DHRS4: variants seen among roughly 807,000 people sequenced by gnomAD.
The protein encoded by DHRS4 is dehydrogenase/reductase SDR family member 4.
Under a neutral mutation model 28.4 loss-of-function variants are expected in DHRS4, and 20 were observed. The observed-to-expected ratio is 0.71, with a 90% CI of 0.50 to 1.02. The LOEUF is 1.02. Ranked by LOEUF, DHRS4 falls within the 50% of genes least tolerant of loss-of-function variation. DHRS4 has a pLI of 0.00. For missense variants in DHRS4, 378 were observed against 367.2 expected, an observed-to-expected ratio of 1.03 and a Z score of -0.24; for synonymous variants, 144 against 146.4, an observed-to-expected ratio of 0.98 and a Z score of 0.12.
Position 23,953,931 on chromosome 14 carries a change from C to A in DHRS4, c.128+15C>A. 6.4e-7 allele frequency: 1 copy of A among 1,569,744 alleles called. No homozygotes were observed. Among genetic ancestry groups the A allele is most frequent in the Non-Finnish European group, 8.6e-7 (1 of 1,158,254 alleles). On this transcript the variant is annotated intron_variant, in intron 1 of 7. Coordinates refer to ENST00000313250, the MANE Select transcript of DHRS4 (RefSeq NM_021004.4). ...TCCACCGACGGGTGAGTGCTCCGGC[C>A]GGAGTTTCTGAGGCCCTGGCTGCCT...
At chr14:23,957,512 T>C (rs559709978) in intron 2 of DHRS4, among the ~76,000 whole-genome samples, 23 of 151,988 alleles carry the variant, frequency 1.5e-4, no homozygotes, top group African/African-American at 5.5e-4. Flanking sequence ...CTAACCGCTT[T>C]GGTGTAGTGA....
Position 23,955,229 on chromosome 14 carries a change from TG to T in DHRS4, c.306+20del. 6.2e-7 allele frequency: 1 copy of T among 1,608,816 alleles called. No homozygotes were observed. Among genetic ancestry groups the T allele is most frequent in the Non-Finnish European group, 8.5e-7 (1 of 1,177,576 alleles). ...GTGGCCACGGTGAGCTGCAGGGAAA[TG>T]GGCACAGAGCCAGGAGGTGGAAAAC... On this transcript the variant is annotated intron_variant, in intron 2 of 7. Transcript: ENST00000313250.
At chr14:23,955,715 C>T (rs2033108762) in intron 2 of DHRS4, among the ~76,000 whole-genome samples, 1 of 152,192 alleles carries the variant, frequency 6.6e-6, no homozygotes, top group African/African-American at 2.4e-5. Context: ...GCTCAGATAG[C>T]TGGAGCAACT....
At chr14:23,960,159 G>T (rs745817736) in intron 3 of DHRS4, among the ~76,000 whole-genome samples, 156 bp downstream of exon 3, 1 of 151,908 alleles carries the variant, frequency 6.6e-6, no homozygotes, top group Non-Finnish European at 1.5e-5. Context: ...TGCAAAGGGC[G>T]GGTGGGGGTG....
intron 5 of DHRS4, 52 bp from the exon 6 acceptor site, chr14:23,966,231 A>C (rs1167410992): frequency 6.3e-7 from 1 of 1,584,956 alleles, no homozygotes; most frequent in East Asian, 2.2e-5. Flanking sequence ...AGTTATTAGA[A>C]CCAAGAATGA....
intron 2 of DHRS4, among the ~76,000 whole-genome samples, chr14:23,958,982 C>T (rs140167952): frequency 0.032 from 4,892 of 152,244 alleles, 273 homozygotes; most frequent in African/African-American, 0.11. Flanking sequence ...CTCAAAGGCC[C>T]CTCCAGGGTA....
intron 3 of DHRS4, among the ~76,000 whole-genome samples, chr14:23,962,482 C>G (rs2033452478): frequency 6.6e-6 from 1 of 151,552 alleles, no homozygotes; most frequent in African/African-American, 2.4e-5. Context: ...GAAATAGATT[C>G]CATCCCAAGA....
rs1356325957 is a variant in DHRS4, at chr14:23,958,858, C to A, written c.307-1044C>A. ...TCACCCCTCCCAAACACAGAATAAG[C>A]AGGCCTCCTGTTCTTACCTAGCCCC... On this transcript the variant is annotated intron_variant, in intron 2 of 7. Transcript: ENST00000313250. 2.6e-5 allele frequency among the ~76,000 whole-genome samples: 4 copies of A among 152,158 alleles called. No homozygotes were observed. The East Asian group carries it at 7.7e-4, about 29-fold the overall frequency.
chr14:23,964,071 C>T (rs888614160), intron 3 of DHRS4, among the ~76,000 whole-genome samples: 12 of 150,900 alleles, frequency 8.0e-5, no homozygotes, highest in African/African-American at 2.2e-4. Context: ...AAAGATCACT[C>T]ATCACAGATC....
Position 23,968,811 on chromosome 14 carries a change from T to A in DHRS4, c.777T>A (p.Asp259Glu), listed in dbSNP as rs145338436. Residue 259 changes from aspartate (D) to glutamate (E), a missense_variant, in exon 8 of 8, where the codon GAT (aspartate) becomes GAA (glutamate). Coordinates refer to ENST00000313250, the MANE Select transcript of DHRS4 (RefSeq NM_021004.4). The part of the protein sequence containing the change: ...AGIVSFLCSE[D>E]ASYITGETVV... ...TCGTGTCTTTCCTGTGCTCTGAAGATGCCAGCTACATCACTGGGGAAACAG... is the reference window on the plus strand; with the variant it reads ...TCGTGTCTTTCCTGTGCTCTGAAGAAGCCAGCTACATCACTGGGGAAACAG... 214 of 1,610,774 alleles carry A rather than the reference T, an allele frequency of 1.3e-4. 2 individuals are homozygous for A. Among genetic ancestry groups the A allele is most frequent in the Non-Finnish European group, 1.7e-4 (201 of 1,178,618 alleles).
rs1225038293 is a variant in DHRS4, at chr14:23,959,986, G to A, written c.391G>A (p.Glu131Lys). The change falls in exon 3 of 8, where the codon GAG (glutamate) becomes AAG (lysine). Residue 131 changes from glutamate (E) to lysine (K), a missense_variant. Coordinates refer to ENST00000313250, the MANE Select transcript of DHRS4 (RefSeq NM_021004.4). The stretch of plus-strand genomic sequence containing the variant: ...CTTTGGAAGCATAATGGATGTCACT[G>A]AGGAGGTGTGGGACAAGGTGAGAGG... Reference protein sequence around the residue: ...PFFGSIMDVTEEVWDKTLDIN... With the variant: ...PFFGSIMDVTKEVWDKTLDIN... 3 of 1,611,826 alleles carry A rather than the reference G, an allele frequency of 1.9e-6. No individual in the cohort carries two copies. The highest frequency in any genetic ancestry group is 2.7e-5 in the African/African-American group (2 of 73,078).
rs760133929 is a variant in DHRS4, at chr14:23,960,032, G to T, written c.408+29G>T. 12,010 of 1,588,454 alleles carry T rather than the reference G, an allele frequency of 7.6e-3. 133 individuals carry two copies. Among genetic ancestry groups the T allele is most frequent in the Non-Finnish European group, 7.1e-3 (8,303 of 1,165,092 alleles). The stretch of plus-strand genomic sequence containing the variant: ...AGAGGGGATTAAAGCAGGGGGGCCG[G>T]GGGGGGCGCCTTGGAACACATTCAG... On this transcript the variant is annotated intron_variant, in intron 3 of 7. Coordinates refer to ENST00000313250, the MANE Select transcript of DHRS4 (RefSeq NM_021004.4).
At chr14:23,954,124 C>T in intron 1 of DHRS4, 1 of 731,394 alleles carries the variant, frequency 1.4e-6, no homozygotes, top group Non-Finnish European at 2.2e-6. Flanking sequence ...GTCCCTGCTA[C>T]CTCTGGCACA....
At chr14:23,954,085 G>A (rs904071124) in intron 1 of DHRS4, 169 bp downstream of exon 1, 1 of 1,093,122 alleles carries the variant, frequency 9.1e-7, no homozygotes, top group African/African-American at 1.6e-5. Flanking sequence ...GAATCCCCTA[G>A]CCCTGGACCC....
At chr14:23,959,810 C>A (rs1305972469) in intron 2 of DHRS4, 92 bp from the exon 3 acceptor site, 25 of 1,452,902 alleles carry the variant, frequency 1.7e-5, no homozygotes, top group Non-Finnish European at 2.3e-5. Context: ...TGAGCCACAG[C>A]TCCTTGCCCA....
chr14:23,967,518 C>T, intron 7 of DHRS4: 1 of 724,760 alleles, frequency 1.4e-6, no homozygotes, highest in Non-Finnish European at 2.5e-6. Flanking sequence ...TGAGTCCTCT[C>T]TCCACCTGGG....
At chr14:23,960,357 C>A (rs1303519767) in intron 3 of DHRS4, among the ~76,000 whole-genome samples, 1 of 151,988 alleles carries the variant, frequency 6.6e-6, no homozygotes, top group East Asian at 1.9e-4. Flanking sequence ...ATTTACACAC[C>A]CACCTGTCCC....
At chr14:23,955,808 A>G (rs1445534121) in intron 2 of DHRS4, among the ~76,000 whole-genome samples, 1 of 152,224 alleles carries the variant, frequency 6.6e-6, no homozygotes, top group Non-Finnish European at 1.5e-5. Flanking sequence ...ACTACCGGGT[A>G]CTGGACTTTA....
chr14:23,963,470 AAACCTCATG>A (rs2033495141), intron 3 of DHRS4, among the ~76,000 whole-genome samples: 1 of 145,584 alleles, frequency 6.9e-6, no homozygotes, highest in East Asian at 2.1e-4. Context: ...GTGGCTTCTT[AAACCTCATG>A]AACCAACCAC....
Sources: gnomAD v4.1 joint callset for allele counts (sites outside exome capture counted in the v4.1 genomes callset) on GRCh38, gnomAD v4.1.1 for gene constraint, MANE v1.5 for transcripts, NCBI Gene and HGNC (gene_info 2026-07-23, HGNC 2026-07-21) for gene names.